The following MUSK variants were observed in gnomAD, a reference collection of about 807,000 sequenced individuals.
MUSK encodes the protein muscle associated receptor tyrosine kinase, also known as muscle, skeletal receptor tyrosine-protein kinase.
A neutral mutation model predicts 88.7 loss-of-function variants in MUSK; 55 were observed. That is an observed-to-expected ratio of 0.62 (90% CI 0.50 to 0.78). The LOEUF (loss-of-function observed/expected upper bound fraction) is 0.78, where lower values mean the gene tolerates loss of function less well. MUSK is among the 30% of genes least tolerant of loss of function. The probability of loss-of-function intolerance (pLI) is 0.00; values close to 1 mark genes in which losing one functional copy is unlikely to be tolerated. For synonymous variants in MUSK, 387 were observed against 391.9 expected, an observed-to-expected ratio of 0.99 and a Z score of 0.15; for missense variants, 1,015 against 1,074.3, an observed-to-expected ratio of 0.94 and a Z score of 0.77.
intron 6 of MUSK, among the ~76,000 whole-genome samples, chr9:110,736,950 T>C (rs2077037403): frequency 6.6e-6 from 1 of 152,050 alleles, no homozygotes; most frequent in Non-Finnish European, 1.5e-5. Flanking sequence ...AGCTCCCTGA[T>C]ATCTAGTTCT....
At chr9:110,749,819 G>A (rs1055183544) in intron 7 of MUSK, among the ~76,000 whole-genome samples, 1 of 152,120 alleles carries the variant, frequency 6.6e-6, no homozygotes, top group African/African-American at 2.4e-5. Flanking sequence ...GATGAGTTCA[G>A]ATGTGTCTGA....
chr9:110,727,105 A>T (rs150033417), intron 5 of MUSK, among the ~76,000 whole-genome samples: 120 of 152,276 alleles, frequency 7.9e-4, no homozygotes, highest in African/African-American at 2.8e-3. Context: ...AATATATTCA[A>T]TTCAGAAGTT....
At chr9:110,729,663 A>C (rs2076938626) in intron 5 of MUSK, among the ~76,000 whole-genome samples, 1 of 152,008 alleles carries the variant, frequency 6.6e-6, no homozygotes, top group South Asian at 2.1e-4. Flanking sequence ...GCTGGTTTGA[A>C]TCATGTAACC....
chr9:110,741,198 T>A (rs2077093528), intron 6 of MUSK, among the ~76,000 whole-genome samples: 1 of 152,184 alleles, frequency 6.6e-6, no homozygotes, highest in Non-Finnish European at 1.5e-5. Context: ...ATTGCAGTAA[T>A]CATTTCATAA....
At chr9:110,764,105 A>G (rs1422495440) in intron 8 of MUSK, among the ~76,000 whole-genome samples, 2 of 152,220 alleles carry the variant, frequency 1.3e-5, no homozygotes, top group African/African-American at 4.8e-5. Context: ...TTCCATGTGC[A>G]ATATTAACTA....
Position 110,805,704 on chromosome 9 carries a change from T to C in MUSK, c.*4716T>C, listed in dbSNP as rs1037343145. ...TTGTGGCTTTTTTCCCTAATGGATT[T>C]GTTAATATGTTCAATTGTATGAATT... On this transcript the variant is annotated 3_prime_UTR_variant, in exon 15 of 15. Coordinates refer to ENST00000374448, the MANE Select transcript of MUSK (RefSeq NM_005592.4). 6.6e-6 allele frequency among the ~76,000 whole-genome samples: 1 copy of C among 152,032 alleles called. No homozygotes were observed. Among genetic ancestry groups the C allele is most frequent in the Non-Finnish European group, 1.5e-5 (1 of 67,862 alleles).
At chr9:110,690,632 A>T (rs1271426460) in intron 3 of MUSK, among the ~76,000 whole-genome samples, 1 of 10,212 alleles carries the variant, frequency 9.8e-5, no homozygotes, top group Admixed American at 2.1e-3. Context: ...AAGTATATAT[A>T]TAAATATATA....
At chr9:110,713,262 C>CTT (rs67227503) in intron 5 of MUSK, among the ~76,000 whole-genome samples, 35,422 of 137,476 alleles carry the variant, frequency 0.26, 5,007 homozygotes, top group East Asian at 0.56. Context: ...ACCTTTTTTT[C>CTT]TTTTTTTTTT....
At chr9:110,797,568 ATAG>A (rs2078030077) in intron 14 of MUSK, among the ~76,000 whole-genome samples, 1 of 152,220 alleles carries the variant, frequency 6.6e-6, no homozygotes, top group Non-Finnish European at 1.5e-5. Context: ...AAGAATTTCT[ATAG>A]TAGTATCTCG....
intron 8 of MUSK, 169 bp from the exon 9 acceptor site, chr9:110,767,651 T>C: frequency 1.4e-6 from 1 of 720,028 alleles, no homozygotes; most frequent in Non-Finnish European, 2.4e-6. Flanking sequence ...ATGATATAAT[T>C]GCAGCTGGAA....
chr9:110,798,461 C>T (rs1393969175), intron 14 of MUSK, among the ~76,000 whole-genome samples: 1 of 152,140 alleles, frequency 6.6e-6, no homozygotes, highest in Non-Finnish European at 1.5e-5. Flanking sequence ...GTGGAGCAAA[C>T]AGTAGAACAA....
intron 5 of MUSK, among the ~76,000 whole-genome samples, chr9:110,719,594 A>G (rs902979606): frequency 6.6e-6 from 1 of 152,054 alleles, no homozygotes; most frequent in Admixed American, 6.6e-5. Context: ...TTATAAAACA[A>G]TTATTACTAG....
chr9:110,682,730 A>G lies in MUSK; in HGVS notation c.136A>G (p.Thr46Ala). ...GGATGCCTTAGTTGAAGAAGTGGCT[A>G]CTTTCATGTGTGCAGTGGAATCCTA... The part of the protein sequence containing the change: ...TVDALVEEVA[T>A]FMCAVESYPQ... Residue 46 changes from threonine (T) to alanine (A), a missense_variant, in exon 2 of 15, where the codon ACT becomes GCT. Physicochemically the swap from Thr to Ala is moderately conservative, Grantham distance 58. Coordinates refer to ENST00000374448, the MANE Select transcript of MUSK (RefSeq NM_005592.4). 6.2e-7 allele frequency: 1 copy of G among 1,612,786 alleles called. No homozygotes were observed. The highest frequency in any genetic ancestry group is 2.2e-5 in the East Asian group (1 of 44,846).
chr9:110,735,295 A>G (rs1044832864), intron 6 of MUSK, among the ~76,000 whole-genome samples: 2 of 152,164 alleles, frequency 1.3e-5, no homozygotes, highest in African/African-American at 4.8e-5. Flanking sequence ...TAACCAAGAT[A>G]TAGAATCAAA....
chr9:110,744,910 G>C (rs1462508145), intron 6 of MUSK, among the ~76,000 whole-genome samples: 1 of 152,180 alleles, frequency 6.6e-6, no homozygotes, highest in Non-Finnish European at 1.5e-5. Context: ...CCACCCCTTT[G>C]ATCTTTGAAA....
At chr9:110,799,942 C>A (rs2078065548) in intron 14 of MUSK, among the ~76,000 whole-genome samples, 1 of 152,040 alleles carries the variant, frequency 6.6e-6, no homozygotes, top group Non-Finnish European at 1.5e-5. Flanking sequence ...AAACCAGGGC[C>A]TCCAGATTTC....
intron 5 of MUSK, among the ~76,000 whole-genome samples, chr9:110,717,224 T>A (rs1283550549): frequency 2.0e-5 from 3 of 149,788 alleles, no homozygotes; most frequent in Non-Finnish European, 2.9e-5. Flanking sequence ...CATTATATAT[T>A]TTTTTAATTC....
intron 3 of MUSK, among the ~76,000 whole-genome samples, chr9:110,692,140 G>C (rs1217225948): frequency 6.6e-6 from 1 of 151,220 alleles, no homozygotes; most frequent in Non-Finnish European, 1.5e-5. Flanking sequence ...TTTTTTGTTT[G>C]TTTGGTTGGT....
In MUSK at chr9:110,775,513, A is replaced by C. The variant is rs530667571; in HGVS notation, c.1185-275A>C. 7.2e-6 allele frequency: 3 copies of C among 414,042 alleles called. No individual in the cohort carries two copies. The East Asian group carries it at 1.6e-4, about 22-fold the overall frequency. The allele number at this position is 414,042 out of a possible 1,614,324, so 25.6% of individuals were successfully genotyped here. On this transcript the variant is annotated intron_variant, in intron 9 of 14. Transcript: ENST00000374448. ...GGGAGAAGACATATCAGAGATTCCC[A>C]ATCTAATACGTTTTAAATTTGACGT...
Sources: allele counts gnomAD v4.1 joint callset (sites outside exome capture counted in the v4.1 genomes callset), GRCh38; gene constraint gnomAD v4.1.1; transcripts MANE v1.5; gene names NCBI Gene and HGNC (gene_info 2026-07-23, HGNC 2026-07-21).